ZNF385D: variants seen among roughly 807,000 people sequenced by gnomAD.
ZNF385D encodes zinc finger protein 659.
A neutral mutation model predicts 35.8 loss-of-function variants in ZNF385D; 15 were observed. The observed-to-expected ratio is 0.42, with a 90% CI of 0.28 to 0.64. The LOEUF is 0.64. Ranked by LOEUF, ZNF385D falls within the 30% of genes least tolerant of loss-of-function variation. The pLI is 0.23. For missense variants in ZNF385D, 474 were observed against 494.6 expected, an observed-to-expected ratio of 0.96 and a Z score of 0.39; for synonymous variants, 212 against 186.8, an observed-to-expected ratio of 1.13 and a Z score of -1.10.
At chr3:22,292,283 G>A (rs187931729) in intron 2 of ZNF385D, among the ~76,000 whole-genome samples, 1 of 151,824 alleles carries the variant, frequency 6.6e-6, no homozygotes, top group South Asian at 2.1e-4. Context: ...TTTTGTTGTT[G>A]CTTCAATATA....
chr3:21,732,534 A>G (rs533492565), intron 1 of ZNF385D, among the ~76,000 whole-genome samples: 4 of 152,344 alleles, frequency 2.6e-5, no homozygotes, highest in African/African-American at 7.2e-5. Flanking sequence ...CTGTTGCTCC[A>G]AACTCAAGCC....
intron 3 of ZNF385D, among the ~76,000 whole-genome samples, chr3:21,891,155 GTGTT>G (rs1003502501): frequency 6.6e-6 from 1 of 152,120 alleles, no homozygotes; most frequent in African/African-American, 2.4e-5. Context: ...TAGAGGGAAA[GTGTT>G]TATCTAATTA....
chr3:22,158,003 G>T (rs1342362333), intron 3 of ZNF385D, among the ~76,000 whole-genome samples: 5 of 152,056 alleles, frequency 3.3e-5, no homozygotes, highest in Admixed American at 1.3e-4. Flanking sequence ...AGTAAGCAAA[G>T]TCAGCTTTAC....
At chr3:21,972,772 G>A (rs770784111) in intron 3 of ZNF385D, among the ~76,000 whole-genome samples, 1 of 151,802 alleles carries the variant, frequency 6.6e-6, no homozygotes, top group East Asian at 1.9e-4. Context: ...GAAATTCAAA[G>A]GATGACTAGA....
At chr3:21,600,666 C>G (rs2064258288) in intron 2 of ZNF385D, among the ~76,000 whole-genome samples, 1 of 151,466 alleles carries the variant, frequency 6.6e-6, no homozygotes, top group Non-Finnish European at 1.5e-5. Context: ...ACAAGACAGA[C>G]CTAACAAAAC....
intron 3 of ZNF385D, among the ~76,000 whole-genome samples, chr3:21,873,749 C>T (rs1697817051): frequency 6.6e-6 from 1 of 152,072 alleles, no homozygotes; most frequent in Non-Finnish European, 1.5e-5. Context: ...CCTTTTGTGA[C>T]TGGTTTATTT....
At chr3:21,864,968 C>CCAACCTA (rs1697258508) in intron 3 of ZNF385D, among the ~76,000 whole-genome samples, 3 of 138,260 alleles carry the variant, frequency 2.2e-5, no homozygotes, top group Non-Finnish European at 4.6e-5. Context: ...CCTGGAGCAG[C>CCAACCTA]CAACCTACGT....
intron 3 of ZNF385D, among the ~76,000 whole-genome samples, chr3:22,014,705 A>G (rs1238695302): frequency 6.6e-6 from 1 of 152,150 alleles, no homozygotes; most frequent in Non-Finnish European, 1.5e-5. Flanking sequence ...TAAAGACTTG[A>G]TATACAAGAA....
chr3:21,970,260 T>C (rs1436704046), intron 3 of ZNF385D, among the ~76,000 whole-genome samples: 3 of 152,128 alleles, frequency 2.0e-5, no homozygotes, highest in African/African-American at 4.8e-5. Context: ...GACACAGAGA[T>C]ATGTGACTAA....
chr3:22,124,021 A>G (rs1703279011), intron 3 of ZNF385D, among the ~76,000 whole-genome samples: 2 of 143,620 alleles, frequency 1.4e-5, no homozygotes, highest in Non-Finnish European at 3.0e-5. Context: ...TGTGCAAGCA[A>G]CTGCTAGGTC....
chr3:21,883,085 G>A (rs1298934590), intron 3 of ZNF385D, among the ~76,000 whole-genome samples: 1 of 151,856 alleles, frequency 6.6e-6, no homozygotes, highest in African/African-American at 2.4e-5. Context: ...TTTAAGAAGT[G>A]TACTAAGAAA....
intron 4 of ZNF385D, among the ~76,000 whole-genome samples, chr3:21,489,231 C>A (rs2125401376): frequency 6.6e-6 from 1 of 152,180 alleles, no homozygotes; most frequent in East Asian, 1.9e-4. Flanking sequence ...TCTACACGGT[C>A]CAGGAAGCCC....
intron 3 of ZNF385D, chr3:21,511,654 A>G: frequency 4.4e-6 from 2 of 455,062 alleles, no homozygotes; most frequent in Admixed American, 2.4e-5. Context: ...ACTTAGTGTC[A>G]TTTTTTCAGC....
Position 22,110,455 on chromosome 3 carries a change from G to C in ZNF385D, c.325+58362C>G, listed in dbSNP as rs572066851. Among the ~76,000 whole-genome samples the C allele has an allele frequency of 1.1e-3, 165 of 152,202 alleles. 1 individual carries two copies. The highest frequency in any genetic ancestry group is 1.9e-3 in the Non-Finnish European group (131 of 68,032). On this transcript the variant is annotated intron_variant, in intron 3 of 5. Transcript: ENST00000494108. ...CATATACACCATGGAATACTATGCA[G>C]CCATAAAAAATGATGAGTTCATGTC...
intron 2 of ZNF385D, among the ~76,000 whole-genome samples, chr3:22,247,779 A>G (rs955791763): frequency 6.6e-6 from 1 of 151,828 alleles, no homozygotes; most frequent in African/African-American, 2.4e-5. Context: ...TAATTTTTGT[A>G]CTTTTAGTAG....
At chr3:22,244,320 C>T (rs1351331522) in intron 2 of ZNF385D, among the ~76,000 whole-genome samples, 17 of 137,290 alleles carry the variant, frequency 1.2e-4, no homozygotes, top group Admixed American at 4.7e-4. Context: ...AACTCTCTCG[C>T]TCTTACTTAG....
chr3:21,555,488 T>A (rs948101977), intron 3 of ZNF385D, among the ~76,000 whole-genome samples: 1 of 152,166 alleles, frequency 6.6e-6, no homozygotes, highest in African/African-American at 2.4e-5. Flanking sequence ...CTTCTGTTAG[T>A]TTGCTGAGAA....
chr3:21,935,990 C>A (rs1701237522), intron 3 of ZNF385D, among the ~76,000 whole-genome samples: 1 of 151,998 alleles, frequency 6.6e-6, no homozygotes, highest in South Asian at 2.1e-4. Context: ...AATGAGAATT[C>A]TTAAGGAGAG....
At chr3:21,695,039 T>C (rs1473785920) in intron 1 of ZNF385D, among the ~76,000 whole-genome samples, 4 of 152,192 alleles carry the variant, frequency 2.6e-5, no homozygotes, top group Admixed American at 2.0e-4. Context: ...AACTTCTCTG[T>C]AAAATGGGAA....
Sources: gnomAD v4.1 joint callset for allele counts (sites outside exome capture counted in the v4.1 genomes callset) on GRCh38, gnomAD v4.1.1 for gene constraint, MANE v1.5 for transcripts, NCBI Gene and HGNC (gene_info 2026-07-23, HGNC 2026-07-21) for gene names.